The following DNM3 variants were observed in gnomAD, a reference collection of about 807,000 sequenced individuals.
DNM3 encodes dynamin 3, also known as dynamin-3.
Under a neutral mutation model 101.6 loss-of-function variants are expected in DNM3, and 47 were observed. The ratio of observed to expected loss-of-function variants is 0.46; its 90% CI spans 0.37 to 0.59. DNM3 has a LOEUF of 0.59. Among genes scored for constraint, DNM3 ranks in the 20% least tolerant of loss-of-function variants. DNM3 has a pLI of 0.00. For synonymous variants in DNM3, 385 were observed against 387.9 expected, an observed-to-expected ratio of 0.99 and a Z score of 0.09; for missense variants, 849 against 1,085.7, an observed-to-expected ratio of 0.78 and a Z score of 3.06.
chr1:172,291,831 T>A (rs2063928492), intron 15 of DNM3, among the ~76,000 whole-genome samples: 1 of 152,174 alleles, frequency 6.6e-6, no homozygotes, highest in Admixed American at 6.6e-5. Context: ...GTAATTTGAC[T>A]GGAGTTTTAA....
chr1:172,236,019 T>G (rs1303733017), intron 14 of DNM3, among the ~76,000 whole-genome samples: 1 of 152,060 alleles, frequency 6.6e-6, no homozygotes, highest in Admixed American at 6.6e-5. Flanking sequence ...AAAACATTGT[T>G]AGCTATTGGG....
chr1:172,376,352 A>G (rs1373248124), intron 17 of DNM3: 2 of 152,078 alleles, frequency 1.3e-5, no homozygotes, highest in Non-Finnish European at 2.9e-5. Flanking sequence ...TACTATTTTT[A>G]TTTTACATTT....
chr1:172,171,193 G>C (rs749994074), intron 14 of DNM3, among the ~76,000 whole-genome samples: 2 of 151,704 alleles, frequency 1.3e-5, no homozygotes, highest in Non-Finnish European at 2.9e-5. Context: ...AGGGTTTGTA[G>C]CTGGTATGAA....
chr1:172,139,533 A>G (rs1366726040), intron 14 of DNM3: 1 of 152,470 alleles, frequency 6.6e-6, no homozygotes, highest in Non-Finnish European at 1.5e-5. Context: ...TAAATGTCTC[A>G]TTTTCCTTTT....
intron 15 of DNM3, among the ~76,000 whole-genome samples, chr1:172,307,058 A>G (rs2064854506): frequency 6.6e-6 from 1 of 152,226 alleles, no homozygotes; most frequent in Non-Finnish European, 1.5e-5. Context: ...GCTTCTGCAC[A>G]GCAAAAGAAA....
intron 4 of DNM3, among the ~76,000 whole-genome samples, chr1:172,012,367 A>G (rs1421206762): frequency 6.6e-6 from 1 of 152,104 alleles, no homozygotes; most frequent in Admixed American, 6.6e-5. Flanking sequence ...ACATTCCACT[A>G]GCTAGAATTC....
intron 2 of DNM3, among the ~76,000 whole-genome samples, chr1:171,982,486 G>C (rs1225447478): frequency 1.3e-5 from 2 of 152,114 alleles, no homozygotes; most frequent in Admixed American, 6.5e-5. Flanking sequence ...TTTCCAGGAG[G>C]CTCTTTGGTT....
intron 14 of DNM3, among the ~76,000 whole-genome samples, chr1:172,163,531 C>T (rs937052900): frequency 1.3e-5 from 2 of 151,996 alleles, no homozygotes; most frequent in African/African-American, 2.4e-5. Context: ...AGCCACTGTG[C>T]CTGGCCAATA....
chr1:172,261,106 C>G lies in DNM3; in HGVS notation c.1769+7424C>G, dbSNP rs145075434. On this transcript the variant is annotated intron_variant, in intron 15 of 20. Coordinates refer to ENST00000627582, the MANE Select transcript of DNM3 (RefSeq NM_015569.5). The stretch of plus-strand genomic sequence containing the variant: ...GGACTATAGGCACATGCCACTATGT[C>G]TGACTAGTAAATTTCTTTTTATTGG... Among the ~76,000 whole-genome samples, 94 of 152,266 alleles carry G rather than the reference C, an allele frequency of 6.2e-4. 1 individual carries two copies. The highest frequency in any genetic ancestry group is 2.2e-3 in the African/African-American group (93 of 41,548).
At chr1:172,294,739 C>T (rs1024246689) in intron 15 of DNM3, among the ~76,000 whole-genome samples, 1 of 151,650 alleles carries the variant, frequency 6.6e-6, no homozygotes, top group African/African-American at 2.4e-5. Flanking sequence ...CTGGCGAAAC[C>T]CCATTTCTAC....
intron 14 of DNM3, chr1:172,133,044 C>T: frequency 6.8e-7 from 1 of 1,480,746 alleles, no homozygotes; most frequent in Non-Finnish European, 8.9e-7. Context: ...GTTGTCCAAG[C>T]CAACCTCATC....
rs2063846416 is a variant in DNM3 at position 172,290,107 on chromosome 1, A to G, written c.1770-18621A>G. 3 of 612,518 alleles carry G rather than the reference A, an allele frequency of 4.9e-6. No homozygotes were observed. The African/African-American group carries it at 6.0e-5, about 12-fold the overall frequency. 37.9% of individuals were successfully genotyped at this position (612,518 alleles called of 1,614,324 possible). A position where few individuals can be genotyped will look rare whatever the true frequency, so the allele number is the denominator to read the frequency against. ...AAATACTGGTGAGACTAGTCAGTCA[A>G]CAAATATTAATGAGCACCTACTATA... is the stretch of plus-strand genomic sequence containing the variant. On this transcript the variant is annotated intron_variant, in intron 15 of 20. Coordinates refer to ENST00000627582, the MANE Select transcript of DNM3 (RefSeq NM_015569.5).
chr1:171,960,865 A>G (rs932786673), intron 2 of DNM3, among the ~76,000 whole-genome samples: 2 of 152,180 alleles, frequency 1.3e-5, no homozygotes, highest in Admixed American at 1.3e-4. Context: ...GAGAGCAGGA[A>G]GTAAGGAAGT....
intron 17 of DNM3, among the ~76,000 whole-genome samples, chr1:172,344,988 TC>T (rs1236310789): frequency 1.3e-5 from 2 of 152,226 alleles, no homozygotes. Context: ...TCAGAATACT[TC>T]ATATTTTATA....
chr1:172,320,181 A>G (rs1381359017), intron 16 of DNM3, among the ~76,000 whole-genome samples: 1 of 148,104 alleles, frequency 6.8e-6, no homozygotes, highest in African/African-American at 2.5e-5. Flanking sequence ...GAATTGAACA[A>G]TGAGAACACA....
chr1:172,030,879 G>A (rs2048553789), intron 4 of DNM3, among the ~76,000 whole-genome samples: 1 of 152,100 alleles, frequency 6.6e-6, no homozygotes, highest in African/African-American at 2.4e-5. Context: ...TTAGAATGGC[G>A]ATCATTAAAG....
chr1:171,968,170 T>C (rs957215786), intron 2 of DNM3, among the ~76,000 whole-genome samples: 1 of 152,198 alleles, frequency 6.6e-6, no homozygotes, highest in Non-Finnish European at 1.5e-5. Context: ...AAATGCTCTG[T>C]TGTGAGTTCA....
At chr1:172,319,186 T>C (rs549148251) in intron 16 of DNM3, among the ~76,000 whole-genome samples, 2 of 152,302 alleles carry the variant, frequency 1.3e-5, no homozygotes, top group East Asian at 1.9e-4. Context: ...GCTAGCCATA[T>C]GTAGAAAGCT....
At chr1:171,883,405 A>G (rs2036481616) in intron 1 of DNM3, among the ~76,000 whole-genome samples, 1 of 88,930 alleles carries the variant, frequency 1.1e-5, no homozygotes, top group African/African-American at 4.1e-5. Context: ...ACACACACAC[A>G]CACACACACC....
Sources: gnomAD v4.1 joint callset for allele counts (sites outside exome capture counted in the v4.1 genomes callset) on GRCh38, gnomAD v4.1.1 for gene constraint, MANE v1.5 for transcripts, NCBI Gene and HGNC (gene_info 2026-07-23, HGNC 2026-07-21) for gene names.